PDIA4: variants seen among roughly 807,000 people sequenced by gnomAD.
PDIA4 encodes protein disulfide isomerase family A member 4.
PDIA4 carries 33 observed loss-of-function variants against 62.1 expected under a neutral mutation model. That is an observed-to-expected ratio of 0.53 (90% CI 0.40 to 0.71). The LOEUF (loss-of-function observed/expected upper bound fraction) is 0.71. PDIA4 is among the 30% of genes least tolerant of loss of function. The probability of loss-of-function intolerance (pLI) is 0.00; values close to 1 mark genes in which losing one functional copy is unlikely to be tolerated. For missense variants in PDIA4, 804 were observed against 813.6 expected (o/e 0.99, Z 0.14); for synonymous variants, 341 against 324.1 (o/e 1.05, Z -0.56).
At chr7:149,005,406 G>A (rs1216309171) in intron 8 of PDIA4, 32 bp from the exon 9 acceptor site, 1 of 1,409,000 alleles carries the variant, frequency 7.1e-7, no homozygotes, top group Non-Finnish European at 1.0e-6. Flanking sequence ...AAGCCAGGCG[G>A]CCACACAGAG....
Position 149,028,408 on chromosome 7 carries a change from TGGTAGC to T in PDIA4, c.-6_-1del. Reference sequence around the variant, plus strand: ...AGCAGGAAGGCTTTCCGGGGCCTCATGGTAGCGGGGGCGGAGCGCGGCCTCCTAGCG... The same window carrying T: ...AGCAGGAAGGCTTTCCGGGGCCTCATGGGGGCGGAGCGCGGCCTCCTAGCG... On this transcript the variant is annotated 5_prime_UTR_variant, in exon 1 of 10. Coordinates refer to ENST00000652332, the MANE Select transcript of PDIA4 (RefSeq NM_004911.5). 1 of 1,508,440 alleles carries T rather than the reference TGGTAGC, an allele frequency of 6.6e-7. No individual in the cohort carries two copies. Among genetic ancestry groups the T allele is most frequent in the South Asian group, 1.2e-5 (1 of 80,732 alleles). 93.4% of individuals were successfully genotyped at this position (1,508,440 alleles called of 1,614,324 possible).
intron 1 of PDIA4, among the ~76,000 whole-genome samples, chr7:149,023,991 A>G (rs1824448311): frequency 6.6e-6 from 1 of 152,214 alleles, no homozygotes; most frequent in African/African-American, 2.4e-5. Context: ...TCACGCCTAT[A>G]ATCCCAGCAC....
At chr7:149,025,813 C>T (rs1188452410) in intron 1 of PDIA4, among the ~76,000 whole-genome samples, 2 of 152,116 alleles carry the variant, frequency 1.3e-5, no homozygotes, top group African/African-American at 4.8e-5. Flanking sequence ...AGTTCCTTAG[C>T]ACGAAAAATA....
Position 149,003,308 on chromosome 7 carries a change from A to G in PDIA4, c.*486T>C, listed in dbSNP as rs1336894907. 2 of 152,736 alleles carry G rather than the reference A, an allele frequency of 1.3e-5. No individual in the cohort carries two copies. Among genetic ancestry groups the G allele is most frequent in the African/African-American group, 4.8e-5 (2 of 41,476 alleles). 9.5% of individuals were successfully genotyped at this position (152,736 alleles called of 1,614,324 possible). A position where few individuals can be genotyped will look rare whatever the true frequency, so the allele number is the denominator to read the frequency against. On this transcript the variant is annotated 3_prime_UTR_variant, in exon 10 of 10. Coordinates refer to ENST00000652332, the MANE Select transcript of PDIA4 (RefSeq NM_004911.5). ...CGCCTGGCGATGCCCAGCCTGAAAC[A>G]GCACCCCTGGCAGGGCTGCTCAGTG...
chr7:149,015,205 G>A (rs1240787632), intron 3 of PDIA4, among the ~76,000 whole-genome samples, 163 bp from the exon 4 acceptor site: 1 of 152,076 alleles, frequency 6.6e-6, no homozygotes, highest in Non-Finnish European at 1.5e-5. Flanking sequence ...GCAGTTTTGG[G>A]GACACAGCCA....
At chr7:149,026,886 G>A (rs1824577353) in intron 1 of PDIA4, among the ~76,000 whole-genome samples, 1 of 151,640 alleles carries the variant, frequency 6.6e-6, no homozygotes. Context: ...GCTCACCCTA[G>A]GAGCAACTGC....
chr7:149,015,873 T>C (rs1824120157), intron 3 of PDIA4, among the ~76,000 whole-genome samples: 2 of 152,200 alleles, frequency 1.3e-5, no homozygotes, highest in Admixed American at 6.5e-5. Flanking sequence ...ACTTAACACA[T>C]AGGAGGCCTC....
rs1329538373 is a variant in PDIA4 at position 149,007,123 on chromosome 7, A to G, written c.1131+1036T>C. Among the ~76,000 whole-genome samples, 4 of 150,720 alleles carry G rather than the reference A, an allele frequency of 2.7e-5. 1 individual carries two copies. Among genetic ancestry groups the G allele is most frequent in the African/African-American group, 1.0e-4 (4 of 40,104 alleles). ...AGCCACTATGAGTCCAGGGAAGAGGAGAGTTGCCCTGAGCTTCAAGTTGGC... is the reference window on the plus strand; with the variant it reads ...AGCCACTATGAGTCCAGGGAAGAGGGGAGTTGCCCTGAGCTTCAAGTTGGC... On this transcript the variant is annotated intron_variant, in intron 7 of 9. Coordinates refer to ENST00000652332, the MANE Select transcript of PDIA4 (RefSeq NM_004911.5).
At chr7:149,017,094 AG>A (rs1171050308) in intron 3 of PDIA4, among the ~76,000 whole-genome samples, 1 of 152,144 alleles carries the variant, frequency 6.6e-6, no homozygotes, top group Non-Finnish European at 1.5e-5. Flanking sequence ...AGGCCTGGCA[AG>A]GGCAAGGCGC....
At chr7:149,024,565 G>T (rs1017365574) in intron 1 of PDIA4, among the ~76,000 whole-genome samples, 53 of 151,948 alleles carry the variant, frequency 3.5e-4, no homozygotes, top group South Asian at 3.1e-3. Flanking sequence ...TAATCCACGT[G>T]CTCCTCTGGG....
intron 7 of PDIA4, among the ~76,000 whole-genome samples, 177 bp downstream of exon 7, chr7:149,007,982 G>A (rs113769918): frequency 0.015 from 2,211 of 152,368 alleles, 59 homozygotes; most frequent in African/African-American, 0.05. Context: ...CCGGCAAAGA[G>A]AGACCACAGG....
In PDIA4 at chr7:149,014,982, G is replaced by GTC. The variant is rs1168023296; in HGVS notation, c.535_536insGA (p.Thr179ArgfsTer5). ...AAAGTTCTCTTTGGTCAACACAAGC[G>GTC]TGACTTCTGGTGGAGGCGTCCAGTC... On this transcript the variant is annotated frameshift_variant, in exon 4 of 10. Coordinates refer to ENST00000652332, the MANE Select transcript of PDIA4 (RefSeq NM_004911.5). LOFTEE classifies it high-confidence loss of function. The GTC allele has an allele frequency of 2.5e-6, 4 of 1,613,984 alleles. No individual in the cohort carries two copies. In the East Asian group the frequency reaches 8.9e-5, roughly 36 times the overall value.
intron 5 of PDIA4, 28 bp from the exon 6 acceptor site, chr7:149,012,032 G>A: frequency 6.3e-7 from 1 of 1,595,668 alleles, no homozygotes; most frequent in Non-Finnish European, 8.5e-7. Flanking sequence ...GCCTGAGCAG[G>A]GGCACTAAGA....
At chr7:149,017,520 G>A (rs1411037942) in intron 3 of PDIA4, among the ~76,000 whole-genome samples, 1 of 152,094 alleles carries the variant, frequency 6.6e-6, no homozygotes, top group Non-Finnish European at 1.5e-5. Context: ...GGAGGTGGAG[G>A]TTGCGGTGAG....
chr7:149,028,135 G>A, intron 1 of PDIA4, 186 bp downstream of exon 1: 1 of 595,776 alleles, frequency 1.7e-6, no homozygotes, highest in Non-Finnish European at 3.0e-6. Flanking sequence ...AATCGATCCT[G>A]CCACTGCCAC....
intron 4 of PDIA4, among the ~76,000 whole-genome samples, chr7:149,013,112 G>A (rs1824008857): frequency 6.6e-6 from 1 of 152,146 alleles, no homozygotes; most frequent in South Asian, 2.1e-4. Context: ...GCTGGGCATG[G>A]TGGTGGGCGC....
At position 149,012,376 on chromosome 7, in the gene PDIA4, T is replaced by C; in HGVS notation, c.615-16A>G. The C allele has an allele frequency of 6.8e-6, 11 of 1,608,516 alleles. No individual in the cohort carries two copies. Among genetic ancestry groups the C allele is most frequent in the Non-Finnish European group, 9.4e-6 (11 of 1,176,392 alleles). On this transcript the variant is annotated splice_polypyrimidine_tract_variant and intron_variant, in intron 4 of 9. Coordinates refer to ENST00000652332, the MANE Select transcript of PDIA4 (RefSeq NM_004911.5). ...GTGTCCACACCTGCCAAGAGGAAACTGGTTTGTCAGGGGCTCATTCTAGTG... is the reference window on the plus strand; with the variant it reads ...GTGTCCACACCTGCCAAGAGGAAACCGGTTTGTCAGGGGCTCATTCTAGTG...
intron 3 of PDIA4, among the ~76,000 whole-genome samples, chr7:149,017,752 T>C (rs1824194214): frequency 6.6e-6 from 1 of 152,162 alleles, no homozygotes; most frequent in East Asian, 1.9e-4. Context: ...AATAATTTAT[T>C]TGTTCATTCA....
chr7:149,006,325 CAA>C lies in PDIA4; in HGVS notation c.1132-274_1132-273del, dbSNP rs145956556. On this transcript the variant is annotated intron_variant, in intron 7 of 9. Transcript: ENST00000652332. Reference sequence around the variant, plus strand: ...TGGGGGTGTAGGCTCACTAACCCCACAAAGAGACCACTCAAGGTAGGCCTGGC... The same window carrying C: ...TGGGGGTGTAGGCTCACTAACCCCACAGAGACCACTCAAGGTAGGCCTGGC... The C allele has an allele frequency of 2.4e-3, 897 of 378,416 alleles. 24 individuals carry two copies. In the East Asian group the frequency reaches 0.043, roughly 18 times the overall value. 23.4% of individuals were successfully genotyped at this position (378,416 alleles called of 1,614,324 possible). A position where few individuals can be genotyped will look rare whatever the true frequency, so the allele number is the denominator to read the frequency against.
Sources: gnomAD v4.1 joint callset for allele counts (sites outside exome capture counted in the v4.1 genomes callset) on GRCh38, gnomAD v4.1.1 for gene constraint, MANE v1.5 for transcripts, NCBI Gene and HGNC (gene_info 2026-07-23, HGNC 2026-07-21) for gene names.